The following UBE4B variants were observed in gnomAD, a reference collection of about 807,000 sequenced individuals.
UBE4B encodes the protein ubiquitin conjugation factor E4 B.
UBE4B carries 27 observed loss-of-function variants against 148.1 expected under a neutral mutation model. That is an observed-to-expected ratio of 0.18 (90% CI 0.13 to 0.25). UBE4B has a LOEUF of 0.25. UBE4B is among the 10% of genes least tolerant of loss of function. UBE4B has a pLI of 1.00. For synonymous variants in UBE4B, 596 were observed against 619.3 expected (o/e 0.96, Z 0.56); for missense variants, 1,170 against 1,662.4 (o/e 0.70, Z 5.15).
chr1:10,092,624 T>C (rs976002006), intron 2 of UBE4B, among the ~76,000 whole-genome samples: 2 of 151,890 alleles, frequency 1.3e-5, no homozygotes, highest in Non-Finnish European at 1.5e-5. Flanking sequence ...GGTCAGGAGT[T>C]CAAGACCAGC....
intron 23 of UBE4B, among the ~76,000 whole-genome samples, chr1:10,166,978 A>C (rs557900613): frequency 0.027 from 3,955 of 146,380 alleles, 141 homozygotes; most frequent in African/African-American, 0.088. Context: ...CACAAAAAAA[A>C]AAAATTAGCT....
chr1:10,109,019 C>G (rs1239089909), intron 7 of UBE4B, among the ~76,000 whole-genome samples: 1 of 152,170 alleles, frequency 6.6e-6, no homozygotes, highest in Non-Finnish European at 1.5e-5. Flanking sequence ...TTCTGGACTT[C>G]TAACACCCCA....
chr1:10,084,352 C>T (rs1341152958), intron 2 of UBE4B, among the ~76,000 whole-genome samples: 1 of 152,132 alleles, frequency 6.6e-6, no homozygotes, highest in East Asian at 1.9e-4. Context: ...AATCCGAGGG[C>T]TTGCAAGGTG....
chr1:10,107,264 TG>T, intron 7 of UBE4B: 15 of 1,289,652 alleles, frequency 1.2e-5, no homozygotes, highest in Non-Finnish European at 1.4e-5. Flanking sequence ...TCGCACTTTC[TG>T]GGGACAGTAG....
At chr1:10,155,580 C>T (rs1337928542) in intron 21 of UBE4B, among the ~76,000 whole-genome samples, 1 of 152,206 alleles carries the variant, frequency 6.6e-6, no homozygotes, top group African/African-American at 2.4e-5. Flanking sequence ...CCCCAGTGCT[C>T]ATCACCTCCA....
intron 22 of UBE4B, among the ~76,000 whole-genome samples, chr1:10,160,577 C>T (rs944780389): frequency 2.3e-4 from 35 of 152,138 alleles, no homozygotes; most frequent in Middle Eastern, 3.2e-3. Context: ...GAATATTTAG[C>T]ACTTGACTGT....
At chr1:10,062,376 G>A (rs1205942641) in intron 1 of UBE4B, among the ~76,000 whole-genome samples, 1 of 152,082 alleles carries the variant, frequency 6.6e-6, no homozygotes, top group African/African-American at 2.4e-5. Flanking sequence ...GCCATGGCAC[G>A]ATCCTGGCTC....
chr1:10,053,080 C>A (rs1644083952), intron 1 of UBE4B, among the ~76,000 whole-genome samples: 1 of 152,122 alleles, frequency 6.6e-6, no homozygotes, highest in Non-Finnish European at 1.5e-5. Flanking sequence ...CATCAGCGAC[C>A]CTCCCACCTC....
At chr1:10,102,806 C>T (rs536385263) in intron 4 of UBE4B, 142 bp from the exon 5 acceptor site, 30 of 843,518 alleles carry the variant, frequency 3.6e-5, no homozygotes, top group African/African-American at 5.1e-5. Context: ...TTACTTTTCC[C>T]CTAATCAGTG....
Position 10,106,251 on chromosome 1 carries a change from G to T in UBE4B, c.864G>T (p.Val288=), listed in dbSNP as rs146983740. 3,736 of 1,613,862 alleles carry T rather than the reference G, an allele frequency of 2.3e-3. 15 individuals carry two copies. Among genetic ancestry groups the T allele is most frequent in the Admixed American group, 5.1e-3 (308 of 59,996 alleles). ...PTPSFWSSVP[V]MGPSLASPSR... The stretch of plus-strand genomic sequence containing the variant: ...CCAGTTTCTGGAGCTCTGTTCCCGT[G>T]ATGGGCCCGTCTCTTGCCTCACCTT... The change falls in exon 7 of 28, where the codon GTG becomes GTT. Residue 288 remains valine, a synonymous_variant. Coordinates refer to ENST00000343090, the MANE Select transcript of UBE4B (RefSeq NM_001105562.3). The surrounding 1 kb of genome is among the most constrained non-coding windows in gnomAD (Gnocchi z 4.2).
At position 10,105,385 on chromosome 1, in the gene UBE4B, T is replaced by G. The variant is rs952112052; in HGVS notation, c.581-131T>G. ...GCTTTATTTAGGTTTTCCACTAATA[T>G]CCTTTTACCATTCCAGAATCTAATC... On this transcript the variant is annotated intron_variant, in intron 5 of 27. Coordinates refer to ENST00000343090, the MANE Select transcript of UBE4B (RefSeq NM_001105562.3). The G allele has an allele frequency of 1.5e-5, 11 of 716,668 alleles. No homozygotes were observed. The African/African-American group carries it at 1.6e-4, about 10-fold the overall frequency. 44.4% of individuals were successfully genotyped at this position (716,668 alleles called of 1,614,324 possible). A position where few individuals can be genotyped will look rare whatever the true frequency, so the allele number is the denominator to read the frequency against.
At chr1:10,146,160 C>G (rs1645868399) in intron 18 of UBE4B, among the ~76,000 whole-genome samples, 1 of 152,144 alleles carries the variant, frequency 6.6e-6, no homozygotes, top group Non-Finnish European at 1.5e-5. Context: ...GATCTATAAA[C>G]TGCTTAAATT....
intron 3 of UBE4B, among the ~76,000 whole-genome samples, chr1:10,095,894 C>T (rs1361625906): frequency 6.6e-6 from 1 of 152,142 alleles, no homozygotes; most frequent in African/African-American, 2.4e-5. Flanking sequence ...GCCTCAGCCA[C>T]CTGAGTAGCT....
At chr1:10,175,474 A>AC (rs1242995202) in intron 25 of UBE4B, among the ~76,000 whole-genome samples, 1 of 149,050 alleles carries the variant, frequency 6.7e-6, no homozygotes, top group East Asian at 2.0e-4. Flanking sequence ...ACACGGTGAA[A>AC]CCCCATCTCT....
chr1:10,081,093 G>A (rs1054144163), intron 2 of UBE4B, among the ~76,000 whole-genome samples: 18 of 151,896 alleles, frequency 1.2e-4, no homozygotes, highest in Admixed American at 5.9e-4. Context: ...ACGAAGTTTC[G>A]CTCTTGTTGC....
At chr1:10,118,728 T>C (rs2101917754) in intron 8 of UBE4B, among the ~76,000 whole-genome samples, 1 of 151,808 alleles carries the variant, frequency 6.6e-6, no homozygotes, top group African/African-American at 2.4e-5. Flanking sequence ...GGTCTCTAAC[T>C]CCCGACCTCA....
At chr1:10,145,100 A>G in intron 18 of UBE4B, 61 bp downstream of exon 18, 1 of 1,357,924 alleles carries the variant, frequency 7.4e-7, no homozygotes, top group Non-Finnish European at 1.0e-6. Context: ...TTCCCAACAG[A>G]ATATATGCCT....
chr1:10,035,785 C>T (rs1643500579), intron 1 of UBE4B, among the ~76,000 whole-genome samples: 1 of 150,262 alleles, frequency 6.7e-6, no homozygotes, highest in South Asian at 2.1e-4. Context: ...CTCTGTTGCC[C>T]AGGCTAGAGT....
intron 10 of UBE4B, among the ~76,000 whole-genome samples, chr1:10,123,645 T>G (rs999744100): frequency 6.6e-6 from 1 of 152,174 alleles, no homozygotes; most frequent in African/African-American, 2.4e-5. Flanking sequence ...CACAAGAGGT[T>G]ATGAAATGAC....
Sources: gnomAD v4.1 joint callset for allele counts (sites outside exome capture counted in the v4.1 genomes callset) on GRCh38, gnomAD v4.1.1 for gene constraint, Gnocchi (gnomAD v3.1) non-coding constraint, MANE v1.5 for transcripts, NCBI Gene and HGNC (gene_info 2026-07-23, HGNC 2026-07-21) for gene names.